Variants in PHACTR1 observed in about 807,000 individuals in gnomAD.
The protein encoded by PHACTR1 is RPEL repeat containing 1.
A neutral mutation model predicts 69.2 loss-of-function variants in PHACTR1; 16 were observed. The observed-to-expected ratio is 0.23, with a 90% CI of 0.16 to 0.35. The LOEUF is 0.35. Ranked by LOEUF, PHACTR1 falls within the 10% of genes least tolerant of loss-of-function variation. PHACTR1 has a pLI of 1.00. For missense variants in PHACTR1, 510 were observed against 734.7 expected, an observed-to-expected ratio of 0.69 and a Z score of 3.54; for synonymous variants, 312 against 284.5, an observed-to-expected ratio of 1.10 and a Z score of -0.97.
intron 4 of PHACTR1, among the ~76,000 whole-genome samples, chr6:12,812,767 T>C (rs1298048034): frequency 6.6e-6 from 1 of 152,212 alleles, no homozygotes; most frequent in African/African-American, 2.4e-5. Context: ...GTGTTTGAAA[T>C]CGCATGATTG....
At chr6:12,978,187 T>C (rs1482413013) in intron 4 of PHACTR1, among the ~76,000 whole-genome samples, 2 of 152,136 alleles carry the variant, frequency 1.3e-5, no homozygotes, top group Middle Eastern at 3.2e-3. Context: ...TCCACTCTAC[T>C]CCTCCATCTC....
At chr6:12,842,874 A>G (rs1778839808) in intron 4 of PHACTR1, among the ~76,000 whole-genome samples, 1 of 152,294 alleles carries the variant, frequency 6.6e-6, no homozygotes, top group East Asian at 1.9e-4. Context: ...ATCTTGCAAA[A>G]TCAACATTAA....
At chr6:13,244,228 G>A (rs1041091966) in intron 10 of PHACTR1, among the ~76,000 whole-genome samples, 14 of 152,114 alleles carry the variant, frequency 9.2e-5, no homozygotes, top group African/African-American at 2.9e-4. Context: ...GGGAGTGCGC[G>A]AATAGGTGTC....
At chr6:13,037,552 C>G (rs1237382112) in intron 4 of PHACTR1, among the ~76,000 whole-genome samples, 8 of 152,168 alleles carry the variant, frequency 5.3e-5, no homozygotes, top group Non-Finnish European at 1.2e-4. Context: ...GACCGAATGG[C>G]CTTGAGGCAG....
chr6:12,995,427 A>C (rs1797312682), intron 4 of PHACTR1, among the ~76,000 whole-genome samples: 1 of 152,098 alleles, frequency 6.6e-6, no homozygotes, highest in Admixed American at 6.5e-5. Flanking sequence ...TAGAAAAAAA[A>C]CATGATGCAC....
At chr6:12,781,803 C>T (rs1377360672) in intron 4 of PHACTR1, among the ~76,000 whole-genome samples, 1 of 152,208 alleles carries the variant, frequency 6.6e-6, no homozygotes, top group African/African-American at 2.4e-5. Context: ...AATGTGTACT[C>T]TTCTCTCACT....
chr6:12,943,010 C>G (rs985107151), intron 4 of PHACTR1, among the ~76,000 whole-genome samples: 1 of 152,182 alleles, frequency 6.6e-6, no homozygotes, highest in African/African-American at 2.4e-5. Flanking sequence ...CAATTCCACT[C>G]CTAGACAGAT....
Position 12,772,962 on chromosome 6 carries a change from C to T in PHACTR1, c.250+23172C>T, listed in dbSNP as rs114859061. The stretch of plus-strand genomic sequence containing the variant: ...TCCCATTTTTAATTTAAACTTCTAG[C>T]AAATCCAGAAGGATTTCCAGACATT... On this transcript the variant is annotated intron_variant, in intron 4 of 14. Coordinates refer to ENST00000332995, the MANE Select transcript of PHACTR1 (RefSeq NM_030948.6). 7.8e-3 allele frequency among the ~76,000 whole-genome samples: 1,180 copies of T among 152,162 alleles called. 15 individuals carry two copies. The highest frequency in any genetic ancestry group is 0.027 in the African/African-American group (1,119 of 41,520).
intron 4 of PHACTR1, among the ~76,000 whole-genome samples, chr6:13,005,355 A>T (rs143853095): frequency 3.5e-4 from 54 of 152,224 alleles, no homozygotes; most frequent in Non-Finnish European, 7.5e-4. Flanking sequence ...TCCATACAAC[A>T]TACATACAAC....
intron 4 of PHACTR1, among the ~76,000 whole-genome samples, chr6:12,957,102 T>TGGGGGGGGGGGGG (rs1582689554): frequency 1.3e-5 from 1 of 75,626 alleles, no homozygotes; most frequent in African/African-American, 5.2e-5. Context: ...TGCTGGGGGG[T>TGGGGGGGGGGGGG]GGGGGAAAGG....
At chr6:12,884,815 TCACAAACACA>T (rs1392469710) in intron 4 of PHACTR1, among the ~76,000 whole-genome samples, 3 of 151,960 alleles carry the variant, frequency 2.0e-5, no homozygotes, top group Non-Finnish European at 4.4e-5. Flanking sequence ...ACACACACAC[TCACAAACACA>T]CACAAACACA....
At chr6:12,871,805 A>C (rs1017222534) in intron 4 of PHACTR1, among the ~76,000 whole-genome samples, 5 of 152,080 alleles carry the variant, frequency 3.3e-5, no homozygotes, top group Non-Finnish European at 5.9e-5. Context: ...TCACTATTTT[A>C]TTAGCAGTTA....
At chr6:12,773,202 A>G (rs182771972) in intron 4 of PHACTR1, among the ~76,000 whole-genome samples, 2 of 152,302 alleles carry the variant, frequency 1.3e-5, no homozygotes, top group East Asian at 3.9e-4. Context: ...TTTTTAAAAA[A>G]ATGTTTGTAT....
chr6:12,872,564 A>G (rs1782143555), intron 4 of PHACTR1, among the ~76,000 whole-genome samples: 1 of 152,236 alleles, frequency 6.6e-6, no homozygotes. Context: ...TGTTGATACA[A>G]GAAAGAATAT....
At chr6:12,787,537 G>A (rs1771688433) in intron 4 of PHACTR1, among the ~76,000 whole-genome samples, 1 of 152,182 alleles carries the variant, frequency 6.6e-6, no homozygotes, top group African/African-American at 2.4e-5. Flanking sequence ...AACAGTCAGA[G>A]GTAGATTCTG....
At chr6:13,106,099 G>T (rs1389819019) in intron 5 of PHACTR1, among the ~76,000 whole-genome samples, 1 of 152,180 alleles carries the variant, frequency 6.6e-6, no homozygotes, top group Non-Finnish European at 1.5e-5. Flanking sequence ...AGTAGGATAT[G>T]ATTGCTGTAT....
At chr6:13,041,230 T>G (rs1205308295) in intron 4 of PHACTR1, among the ~76,000 whole-genome samples, 1 of 152,034 alleles carries the variant, frequency 6.6e-6, no homozygotes, top group East Asian at 1.9e-4. Context: ...CAAGGAAAAT[T>G]AAGAATTCCT....
At chr6:12,954,508 G>A (rs1791650823) in intron 4 of PHACTR1, among the ~76,000 whole-genome samples, 1 of 151,986 alleles carries the variant, frequency 6.6e-6, no homozygotes, top group South Asian at 2.1e-4. Context: ...AGGTAGACTT[G>A]ATAAGATTGA....
chr6:12,984,390 G>A (rs1263722610), intron 4 of PHACTR1, among the ~76,000 whole-genome samples: 4 of 152,236 alleles, frequency 2.6e-5, no homozygotes, highest in African/African-American at 9.6e-5. Flanking sequence ...GGCAGGCGAT[G>A]TGAGATAATT....
Sources: gnomAD v4.1 joint callset for allele counts (sites outside exome capture counted in the v4.1 genomes callset) on GRCh38, gnomAD v4.1.1 for gene constraint, MANE v1.5 for transcripts, NCBI Gene and HGNC (gene_info 2026-07-23, HGNC 2026-07-21) for gene names.